Variants in SLC35D4 observed in about 807,000 individuals in gnomAD.
The protein encoded by SLC35D4 is UDP-N-acetylglucosamine transporter SLC35D4.
chr18:23,408,759 C>T, the SLC35D4 span, among the ~76,000 whole-genome samples: 1 of 151,468 alleles, frequency 6.6e-6, no homozygotes, highest in Admixed American at 6.6e-5. Context: ...CAGACATGAA[C>T]TTAAACTTAG....
chr18:23,284,590 T>C, the SLC35D4 span, among the ~76,000 whole-genome samples: 1 of 152,244 alleles, frequency 6.6e-6, no homozygotes, highest in Non-Finnish European at 1.5e-5. Context: ...ATAATGTATA[T>C]AAAACCAAAC....
At chr18:23,328,576 T>C in the SLC35D4 span, among the ~76,000 whole-genome samples, 2 of 152,062 alleles carry the variant, frequency 1.3e-5, no homozygotes, top group Non-Finnish European at 2.9e-5. Context: ...AATGGAAGAA[T>C]ATTCCATGCT....
chr18:23,308,178 G>A, the SLC35D4 span, among the ~76,000 whole-genome samples: 1 of 152,178 alleles, frequency 6.6e-6, no homozygotes, highest in Non-Finnish European at 1.5e-5. Flanking sequence ...GAAGGCCTGG[G>A]GGATGAGCAG....
At chr18:23,326,557 C>A in the SLC35D4 span, among the ~76,000 whole-genome samples, 33 of 152,228 alleles carry the variant, frequency 2.2e-4, no homozygotes, top group Non-Finnish European at 3.7e-4. Context: ...TAAAGCAAGT[C>A]CTTAGAGACC....
chr18:23,290,012 C>A, the SLC35D4 span, among the ~76,000 whole-genome samples: 6 of 152,188 alleles, frequency 3.9e-5, no homozygotes, highest in Non-Finnish European at 5.9e-5. Flanking sequence ...TCACACAAAG[C>A]CTGTTTGGTG....
At chr18:23,293,986 G>A in the SLC35D4 span, among the ~76,000 whole-genome samples, 1 of 151,922 alleles carries the variant, frequency 6.6e-6, no homozygotes, top group East Asian at 1.9e-4. Flanking sequence ...TTGTAGCGAT[G>A]GAGGTTCACT....
At chr18:23,327,985 C>T in the SLC35D4 span, among the ~76,000 whole-genome samples, 4 of 152,268 alleles carry the variant, frequency 2.6e-5, 1 homozygote, top group East Asian at 7.7e-4. Flanking sequence ...CAGAAAAGGC[C>T]TTTGACAAAA....
the SLC35D4 span, among the ~76,000 whole-genome samples, chr18:23,286,762 T>C: frequency 0.1 from 15,267 of 151,748 alleles, 901 homozygotes; most frequent in Middle Eastern, 0.25. Flanking sequence ...ACTTAGACAA[T>C]ACTCTTTTAA....
the SLC35D4 span, among the ~76,000 whole-genome samples, chr18:23,325,103 G>A: frequency 2.0e-5 from 3 of 152,066 alleles, no homozygotes; most frequent in South Asian, 6.2e-4. Context: ...AGTCCTGGGT[G>A]CTCCCTGGCT....
At chr18:23,398,162 A>C in the SLC35D4 span, among the ~76,000 whole-genome samples, 3 of 152,208 alleles carry the variant, frequency 2.0e-5, no homozygotes, top group Non-Finnish European at 2.9e-5. Flanking sequence ...TCCTCTGTCA[A>C]GTGGTTAGCA....
chr18:23,390,768 T>G, the SLC35D4 span, among the ~76,000 whole-genome samples: 1 of 152,234 alleles, frequency 6.6e-6, no homozygotes, highest in Non-Finnish European at 1.5e-5. Flanking sequence ...CTTCTCAATT[T>G]TTGTAAAAGA....
At chr18:23,305,939 C>T in the SLC35D4 span, among the ~76,000 whole-genome samples, 6 of 152,354 alleles carry the variant, frequency 3.9e-5, no homozygotes, top group South Asian at 1.2e-3. Flanking sequence ...GGAACCCCTT[C>T]CAGCCCAAAG....
At chr18:23,306,277 G>T in the SLC35D4 span, among the ~76,000 whole-genome samples, 6 of 151,162 alleles carry the variant, frequency 4.0e-5, no homozygotes, top group Non-Finnish European at 5.9e-5. Flanking sequence ...TACTCTGATT[G>T]CAGGCATGGA....
the SLC35D4 span, among the ~76,000 whole-genome samples, chr18:23,406,663 T>C: frequency 1.5e-3 from 221 of 152,318 alleles, no homozygotes; most frequent in African/African-American, 4.9e-3. Flanking sequence ...ATTTCCACAT[T>C]CAGCTACTTC....
the SLC35D4 span, among the ~76,000 whole-genome samples, chr18:23,277,314 T>C: frequency 6.6e-6 from 1 of 151,974 alleles, no homozygotes; most frequent in African/African-American, 2.4e-5. Context: ...CAGAGGTTTC[T>C]GCTTTTACAT....
chr18:23,343,259 T>A, the SLC35D4 span, among the ~76,000 whole-genome samples: 1 of 151,940 alleles, frequency 6.6e-6, no homozygotes, highest in Non-Finnish European at 1.5e-5. Flanking sequence ...TTTTTTATTT[T>A]TATTTTTATT....
the SLC35D4 span, among the ~76,000 whole-genome samples, chr18:23,308,516 C>T: frequency 3.3e-5 from 5 of 152,182 alleles, no homozygotes; most frequent in South Asian, 1.0e-3. Context: ...ATCCTAGACT[C>T]CCCTCTCTCA....
At chr18:23,388,548 G>C in the SLC35D4 span, among the ~76,000 whole-genome samples, 1 of 152,154 alleles carries the variant, frequency 6.6e-6, no homozygotes, top group East Asian at 1.9e-4. Context: ...ATTATGTCAA[G>C]CCACAGTGAA....
At chr18:23,352,333 C>T in the SLC35D4 span, 1 of 1,529,154 alleles carries the variant, frequency 6.5e-7, no homozygotes, top group Non-Finnish European at 8.9e-7. Flanking sequence ...CTTGTCTTCC[C>T]TTAGCCAATG....
Sources: gnomAD v4.1 joint callset for allele counts (sites outside exome capture counted in the v4.1 genomes callset) on GRCh38, gnomAD v4.1.1 for gene constraint, MANE v1.5 for transcripts, NCBI Gene and HGNC (gene_info 2026-07-23, HGNC 2026-07-21) for gene names.